ZFAT: variants seen among roughly 807,000 people sequenced by gnomAD.
ZFAT encodes zinc finger protein ZFAT.
ZFAT carries 64 observed loss-of-function variants against 117.7 expected under a neutral mutation model. The ratio of observed to expected loss-of-function variants is 0.54; its 90% CI spans 0.44 to 0.67. The LOEUF is 0.67. Among genes scored for constraint, ZFAT ranks in the 30% least tolerant of loss-of-function variants. ZFAT has a pLI of 0.00. For synonymous variants in ZFAT, 679 were observed against 615.0 expected, an observed-to-expected ratio of 1.10 and a Z score of -1.54; for missense variants, 1,433 against 1,584.5, an observed-to-expected ratio of 0.90 and a Z score of 1.62.
intron 1 of ZFAT, among the ~76,000 whole-genome samples, chr8:134,693,918 C>T (rs2131337582): frequency 6.6e-6 from 1 of 152,316 alleles, no homozygotes; most frequent in South Asian, 2.1e-4. Flanking sequence ...ATCATGATCA[C>T]GTGTCTCCTG....
chr8:134,822,819 C>A, the ZFAT span, among the ~76,000 whole-genome samples: 1 of 152,142 alleles, frequency 6.6e-6, no homozygotes, highest in East Asian at 1.9e-4. Flanking sequence ...ACTTCTCTCA[C>A]TGCAGGTATG....
chr8:134,686,122 G>A (rs1485226210), intron 1 of ZFAT, among the ~76,000 whole-genome samples: 1 of 152,250 alleles, frequency 6.6e-6, no homozygotes, highest in Non-Finnish European at 1.5e-5. Flanking sequence ...GCCCCAGCAG[G>A]TAACTCAGAC....
chr8:134,799,386 T>C, the ZFAT span, among the ~76,000 whole-genome samples: 1 of 152,094 alleles, frequency 6.6e-6, no homozygotes, highest in Non-Finnish European at 1.5e-5. Flanking sequence ...ATACAGAATG[T>C]GGATGTATCA....
chr8:134,479,505 A>G (rs139060840), intron 15 of ZFAT, among the ~76,000 whole-genome samples: 10 of 152,326 alleles, frequency 6.6e-5, no homozygotes, highest in Non-Finnish European at 1.3e-4. Context: ...CTGTTTTTAA[A>G]TAACAACTGT....
intron 11 of ZFAT, among the ~76,000 whole-genome samples, chr8:134,539,418 C>T (rs988960436): frequency 1.3e-5 from 2 of 152,200 alleles, no homozygotes; most frequent in Non-Finnish European, 2.9e-5. Flanking sequence ...TCAAAAGGCT[C>T]AAAGATCAGA....
intron 10 of ZFAT, among the ~76,000 whole-genome samples, chr8:134,578,005 C>T (rs889181732): frequency 6.6e-6 from 1 of 151,828 alleles, no homozygotes; most frequent in Non-Finnish European, 1.5e-5. Context: ...TCAATAAAGA[C>T]CTCCAGGACA....
the ZFAT span, among the ~76,000 whole-genome samples, chr8:134,722,767 G>C: frequency 6.6e-6 from 1 of 152,106 alleles, no homozygotes; most frequent in Non-Finnish European, 1.5e-5. Flanking sequence ...GGCTTACAAC[G>C]TGTTATTGAC....
intron 1 of ZFAT, among the ~76,000 whole-genome samples, chr8:134,685,022 C>T (rs901747624): frequency 6.6e-6 from 1 of 152,188 alleles, no homozygotes; most frequent in Non-Finnish European, 1.5e-5. Context: ...GCACCCCCAC[C>T]CTCCCCTGCC....
upstream of ZFAT, among the ~76,000 whole-genome samples, chr8:134,717,608 G>A (rs888480930): frequency 3.4e-5 from 5 of 147,674 alleles, no homozygotes; most frequent in African/African-American, 9.9e-5. Context: ...TCAGCCTTCC[G>A]AGTAGCTGGG....
chr8:134,647,717 T>G (rs1168104778), intron 2 of ZFAT, among the ~76,000 whole-genome samples: 2 of 152,182 alleles, frequency 1.3e-5, no homozygotes, highest in Non-Finnish European at 2.9e-5. Flanking sequence ...CTGTTGTGTT[T>G]CTACACAAAA....
chr8:134,709,393 G>A (rs994915571), intron 1 of ZFAT, among the ~76,000 whole-genome samples: 12 of 152,220 alleles, frequency 7.9e-5, no homozygotes, highest in African/African-American at 2.7e-4. Flanking sequence ...GGGGTCCCAA[G>A]GGTTCTGTGA....
At chr8:134,805,154 C>T in the ZFAT span, among the ~76,000 whole-genome samples, 4 of 152,140 alleles carry the variant, frequency 2.6e-5, no homozygotes, top group Non-Finnish European at 2.9e-5. Context: ...AAAGAAAATA[C>T]GCATTACAAA....
At chr8:134,567,515 A>G (rs72719755) in intron 10 of ZFAT, among the ~76,000 whole-genome samples, 43,019 of 151,748 alleles carry the variant, frequency 0.28, 6,186 homozygotes, top group East Asian at 0.37. Context: ...TAATCCACCC[A>G]TCTATCCACA....
chr8:134,701,440 T>C (rs184998572), intron 1 of ZFAT, among the ~76,000 whole-genome samples: 2 of 152,374 alleles, frequency 1.3e-5, no homozygotes, highest in Admixed American at 1.3e-4. Flanking sequence ...TCCCAAGTTT[T>C]AGCTATTATG....
the ZFAT span, among the ~76,000 whole-genome samples, chr8:134,810,988 G>T: frequency 2.0e-5 from 3 of 149,988 alleles, no homozygotes; most frequent in Non-Finnish European, 3.0e-5. Flanking sequence ...TACATCTTCT[G>T]AAAAAGTTTT....
chr8:134,497,552 T>C lies in ZFAT; in HGVS notation c.3492+12067A>G, dbSNP rs528687941. The stretch of plus-strand genomic sequence containing the variant: ...TACACACAGAGCCGATTTGGTAGGG[T>C]TGGGGTGGAGCCGGGATGCCCCAGC... On this transcript the variant is annotated intron_variant, in intron 15 of 15. Coordinates refer to ENST00000377838, the MANE Select transcript of ZFAT (RefSeq NM_020863.4). Among the ~76,000 whole-genome samples, 38 of 22,314 alleles carry C rather than the reference T, an allele frequency of 1.7e-3. 10 individuals are homozygous for C. Among genetic ancestry groups the C allele is most frequent in the Non-Finnish European group, 2.6e-3 (33 of 12,484 alleles). 14.6% of individuals were successfully genotyped at this position (22,314 alleles called of 152,430 possible).
chr8:134,761,153 CATT>C, the ZFAT span, among the ~76,000 whole-genome samples: 1 of 152,174 alleles, frequency 6.6e-6, no homozygotes, highest in Admixed American at 6.5e-5. Context: ...AAGCTCAAAT[CATT>C]GTACTTTATC....
intron 12 of ZFAT, among the ~76,000 whole-genome samples, chr8:134,521,854 C>G (rs1820683594): frequency 6.6e-6 from 1 of 152,216 alleles, no homozygotes; most frequent in East Asian, 1.9e-4. Context: ...CCACCCTGAG[C>G]TGGGCCAGGG....
intron 11 of ZFAT, among the ~76,000 whole-genome samples, chr8:134,544,176 G>T (rs896998840): frequency 6.6e-6 from 1 of 152,038 alleles, no homozygotes; most frequent in Non-Finnish European, 1.5e-5. Context: ...CATTAACCCC[G>T]CTATGGTGTA....
Sources: gnomAD v4.1 joint callset for allele counts (sites outside exome capture counted in the v4.1 genomes callset) on GRCh38, gnomAD v4.1.1 for gene constraint, MANE v1.5 for transcripts, NCBI Gene and HGNC (gene_info 2026-07-23, HGNC 2026-07-21) for gene names.